NGF: variants seen among roughly 807,000 people sequenced by gnomAD.
NGF encodes beta-nerve growth factor.
In NGF, 4 loss-of-function variants were observed where a neutral mutation model predicts 12.8. The ratio of observed to expected loss-of-function variants is 0.31; its 90% confidence interval spans 0.15 to 0.72. The LOEUF is 0.72. Among genes scored for constraint, NGF ranks in the 30% least tolerant of loss-of-function variants. NGF has a pLI of 0.69. For synonymous variants in NGF, 140 were observed against 130.0 expected, an observed-to-expected ratio of 1.08 and a Z score of -0.52; for missense variants, 283 against 330.8, an observed-to-expected ratio of 0.86 and a Z score of 1.12.
intron 1 of NGF, among the ~76,000 whole-genome samples, chr1:115,294,332 G>A (rs920522835): frequency 6.6e-6 from 1 of 152,204 alleles, no homozygotes; most frequent in African/African-American, 2.4e-5. Context: ...TGGAAGCTAT[G>A]GAGCTGATAC....
rs547247862 is a variant in NGF at position 115,287,350 on chromosome 1, T to C, written c.-12-543A>G. Among the ~76,000 whole-genome samples the C allele has an allele frequency of 7.9e-5, 12 of 152,268 alleles. No individual in the cohort carries two copies. In the South Asian group the frequency reaches 2.5e-3, roughly 32 times the overall value. On this transcript the variant is annotated intron_variant, in intron 2 of 2. Transcript: ENST00000369512. ...TTCAGACAGTGCACTGGGTCAGCTC[T>C]AAGATCTGGTGACTCGGAGCCCTTG...
At position 115,310,177 on chromosome 1, in the gene NGF, G is replaced by T. The variant is rs1361027755; in HGVS notation, c.-136-16427C>A. On this transcript the variant is annotated intron_variant, in intron 1 of 2. Transcript: ENST00000369512. Reference sequence around the variant, plus strand: ...GATTAAGGAGAATACGCATGAAATTGTTGCAGCCAAGGGAAATCACATGTA... The same window carrying T: ...GATTAAGGAGAATACGCATGAAATTTTTGCAGCCAAGGGAAATCACATGTA... Among the ~76,000 whole-genome samples the T allele has an allele frequency of 6.6e-5, 10 of 152,224 alleles. No homozygotes were observed. The East Asian group carries it at 1.9e-3, about 29-fold the overall frequency.
intron 1 of NGF, among the ~76,000 whole-genome samples, chr1:115,295,052 C>T (rs79451921): frequency 0.014 from 2,124 of 152,184 alleles, 50 homozygotes; most frequent in African/African-American, 0.049. Flanking sequence ...TCTTCAACTT[C>T]AAAAAAATCT....
chr1:115,337,285 T>TTTTTTTTTTTTTTTTTTTTTTTTTTTTTG lies in NGF; in HGVS notation c.-137+918_-137+919insCAAAAAAAAAAAAAAAAAAAAAAAAAAAA, dbSNP rs1557950885. On this transcript the variant is annotated intron_variant, in intron 1 of 2. Transcript: ENST00000369512. ...TGTTTTTGTTTTTTTTTTTTTTTTT[T>TTTTTTTTTTTTTTTTTTTTTTTTTTTTTG]TTTTTTTTTTTTTTTTTTTTAGAAG... is the stretch of plus-strand genomic sequence containing the variant. Among the ~76,000 whole-genome samples, 2 of 131,194 alleles carry TTTTTTTTTTTTTTTTTTTTTTTTTTTTTG rather than the reference T, an allele frequency of 1.5e-5. 1 individual carries two copies. The highest frequency in any genetic ancestry group is 3.3e-5 in the Non-Finnish European group (2 of 61,216). The allele number at this position is 131,194 out of a possible 152,430, so 86.1% of individuals were successfully genotyped here.
chr1:115,286,512 C>G lies in NGF; in HGVS notation c.284G>C (p.Arg95Pro). ...CAGATCCTGAGTGTCTGCAGCTTCA[C>G]GGGGAGGCTGGGTGCTAAACAGCAC... Reference protein sequence around the residue: ...PRVLFSTQPPREAADTQDLDF... With the variant: ...PRVLFSTQPPPEAADTQDLDF... Residue 95 changes from arginine to proline, a missense_variant, in exon 3 of 3, where the codon CGT becomes CCT. Physicochemically the swap from Arg to Pro is moderately radical, Grantham distance 103. This residue lies in a region of NGF where 151 missense variants were observed against 141.6 expected (regional missense o/e 1.07). Coordinates refer to ENST00000369512, the MANE Select transcript of NGF (RefSeq NM_002506.3). The G allele has an allele frequency of 3.1e-6, 5 of 1,614,158 alleles. No homozygotes were observed. The highest frequency in any genetic ancestry group is 4.2e-6 in the Non-Finnish European group (5 of 1,180,030).
intron 1 of NGF, among the ~76,000 whole-genome samples, chr1:115,329,744 C>CTTTTTT (rs1039991768): frequency 1.2e-4 from 12 of 103,994 alleles, no homozygotes; most frequent in South Asian, 3.3e-4. Flanking sequence ...TTCTTTCTTT[C>CTTTTTT]TTTTTTTTTT....
intron 1 of NGF, among the ~76,000 whole-genome samples, chr1:115,294,369 T>C (rs1229843889): frequency 6.6e-6 from 1 of 152,238 alleles, no homozygotes; most frequent in East Asian, 1.9e-4. Flanking sequence ...TTTTAGGCTG[T>C]AGTTTCTAGA....
At chr1:115,305,695 T>A (rs953046029) in intron 1 of NGF, among the ~76,000 whole-genome samples, 2 of 152,180 alleles carry the variant, frequency 1.3e-5, no homozygotes, top group Non-Finnish European at 2.9e-5. Context: ...AAGGAAGAGA[T>A]TTTGGAAGGA....
At chr1:115,336,500 A>G (rs190631748) in intron 1 of NGF, among the ~76,000 whole-genome samples, 1 of 152,272 alleles carries the variant, frequency 6.6e-6, no homozygotes, top group East Asian at 1.9e-4. Context: ...CTCAGCCCCC[A>G]GACCCGCCTG....
chr1:115,319,562 A>T (rs1442902635), intron 1 of NGF, among the ~76,000 whole-genome samples: 2 of 152,150 alleles, frequency 1.3e-5, no homozygotes, highest in South Asian at 4.1e-4. Flanking sequence ...TCTTTTGGCA[A>T]ATTTCTTTGG....
intron 1 of NGF, among the ~76,000 whole-genome samples, chr1:115,302,690 T>C (rs1179800132): frequency 6.6e-6 from 1 of 152,210 alleles, no homozygotes; most frequent in African/African-American, 2.4e-5. Flanking sequence ...TCTTTCTGCC[T>C]TGTCTGGTCT....
At chr1:115,304,985 G>C (rs1343491648) in intron 1 of NGF, among the ~76,000 whole-genome samples, 1 of 152,170 alleles carries the variant, frequency 6.6e-6, no homozygotes, top group African/African-American at 2.4e-5. Context: ...GCAGGGATAG[G>C]ATAGAAATCC....
intron 1 of NGF, among the ~76,000 whole-genome samples, chr1:115,329,229 C>T (rs1393825778): frequency 6.6e-6 from 1 of 151,744 alleles, no homozygotes; most frequent in East Asian, 1.9e-4. Flanking sequence ...GTGGCAGGCA[C>T]AGAACTTCAT....
intron 1 of NGF, among the ~76,000 whole-genome samples, chr1:115,324,267 A>C (rs1029422008): frequency 5.9e-5 from 9 of 152,188 alleles, no homozygotes; most frequent in African/African-American, 2.2e-4. Context: ...TCATAATGTC[A>C]TGTTTCTCAT....
intron 1 of NGF, among the ~76,000 whole-genome samples, chr1:115,337,270 T>G (rs1557950795): frequency 1.4e-4 from 6 of 41,588 alleles, no homozygotes; most frequent in East Asian, 2.9e-3. Flanking sequence ...TGTTTTTGTT[T>G]TTTTTTTTTT....
chr1:115,334,864 A>C (rs1655065932), intron 1 of NGF, among the ~76,000 whole-genome samples: 1 of 152,200 alleles, frequency 6.6e-6, no homozygotes, highest in Admixed American at 6.5e-5. Context: ...AATCCAATAT[A>C]CTTGCCTAAT....
Position 115,286,433 on chromosome 1 carries a change from C to A in NGF, c.363G>T (p.Arg121=). Reference sequence around the variant, plus strand: ...TGTGGAAGATGGGATGGGATGATGACCGCTTGCTCCTGTGAGTCCTGTTGA... The same window carrying A: ...TGTGGAAGATGGGATGGGATGATGAACGCTTGCTCCTGTGAGTCCTGTTGA... ...APFNRTHRSK[R]SSSHPIFHRG... Residue 121 remains arginine (R), a synonymous_variant, in exon 3 of 3, where the codon CGG becomes CGT. Coordinates refer to ENST00000369512, the MANE Select transcript of NGF (RefSeq NM_002506.3). The A allele has an allele frequency of 6.2e-7, 1 of 1,613,778 alleles. No homozygotes were observed. Among genetic ancestry groups the A allele is most frequent in the Non-Finnish European group, 8.5e-7 (1 of 1,179,922 alleles).
intron 1 of NGF, among the ~76,000 whole-genome samples, chr1:115,317,611 T>C (rs1248234358): frequency 6.6e-6 from 1 of 152,180 alleles, no homozygotes; most frequent in African/African-American, 2.4e-5. Flanking sequence ...ACCCACGTAT[T>C]TGGGGATCTG....
Position 115,322,596 on chromosome 1 carries a change from A to C in NGF, c.-137+15608T>G, listed in dbSNP as rs192980813. On this transcript the variant is annotated intron_variant, in intron 1 of 2. Coordinates refer to ENST00000369512, the MANE Select transcript of NGF (RefSeq NM_002506.3). ...CTAAATAGTGGCTTGACCAGCGTAA[A>C]GAGATGACAGAGGAGCTAGCAAGGG... 4.7e-4 allele frequency among the ~76,000 whole-genome samples: 71 copies of C among 152,316 alleles called. 2 individuals carry two copies. The East Asian group carries it at 0.013, about 29-fold the overall frequency.
Sources: allele counts gnomAD v4.1 joint callset (sites outside exome capture counted in the v4.1 genomes callset), GRCh38; gene constraint gnomAD v4.1.1; regional missense constraint gnomAD v4.1.1; transcripts MANE v1.5; gene names NCBI Gene and HGNC (gene_info 2026-07-23, HGNC 2026-07-21).